The following PADI2 variants were observed in gnomAD, a reference collection of about 807,000 sequenced individuals.
PADI2 encodes the protein protein-arginine deiminase type-2.
Under a neutral mutation model 81.1 loss-of-function variants are expected in PADI2, and 70 were observed. The observed-to-expected ratio is 0.86, with a 90% CI of 0.71 to 1.05. The LOEUF (loss-of-function observed/expected upper bound fraction) is 1.05, where lower values mean the gene tolerates loss of function less well. Among genes scored for constraint, PADI2 ranks in the 50% least tolerant of loss-of-function variants. The probability of loss-of-function intolerance (pLI) is 0.00; values close to 1 mark genes in which losing one functional copy is unlikely to be tolerated. For synonymous variants in PADI2, 338 were observed against 358.0 expected, an observed-to-expected ratio of 0.94 and a Z score of 0.63; for missense variants, 853 against 889.9, an observed-to-expected ratio of 0.96 and a Z score of 0.53.
rs1192220078 is a variant in PADI2 at position 17,068,738 on chromosome 1, C to A, written c.*306G>T. ...AGTGTCAGATTAGAGACTCAAAATT[C>A]TTTGGGGAGCAGTTTGGGCACATGG... On this transcript the variant is annotated 3_prime_UTR_variant, in exon 16 of 16. Transcript: ENST00000375486. 2 of 350,384 alleles carry A rather than the reference C, an allele frequency of 5.7e-6. No individual in the cohort carries two copies. The highest frequency in any genetic ancestry group is 1.1e-5 in the Non-Finnish European group (2 of 188,042). The allele number at this position is 350,384 out of a possible 1,614,324, so 21.7% of individuals were successfully genotyped here.
intron 3 of PADI2, among the ~76,000 whole-genome samples, chr1:17,099,066 C>A (rs753470960): frequency 6.6e-6 from 1 of 152,200 alleles, no homozygotes; most frequent in African/African-American, 2.4e-5. Flanking sequence ...GGCAGATTGA[C>A]GGGAAATGTC....
Position 17,066,804 on chromosome 1 carries a change from C to T in PADI2, c.*2240G>A, listed in dbSNP as rs1270578640. 1.3e-5 allele frequency: 2 copies of T among 152,110 alleles called. No individual in the cohort carries two copies. Among genetic ancestry groups the T allele is most frequent in the African/African-American group, 4.8e-5 (2 of 41,398 alleles). 9.4% of individuals were successfully genotyped at this position (152,110 alleles called of 1,614,324 possible). The stretch of plus-strand genomic sequence containing the variant: ...TTTATTTCATTGTTCTTTAGTCGAG[C>T]TCTTCCCTAAACATCTTTAGATCTC... On this transcript the variant is annotated 3_prime_UTR_variant, in exon 16 of 16. Coordinates refer to ENST00000375486, the MANE Select transcript of PADI2 (RefSeq NM_007365.3).
At position 17,074,234 on chromosome 1, in the gene PADI2, A is replaced by G. The variant is rs540916024; in HGVS notation, c.1549+622T>C. On this transcript the variant is annotated intron_variant, in intron 13 of 15. Coordinates refer to ENST00000375486, the MANE Select transcript of PADI2 (RefSeq NM_007365.3). ...TGGTGAAGCCCAGTTTCTACTAAAT[A>G]AAAAAAAATTAGCTGGGCATAGTGG... Among the ~76,000 whole-genome samples, 14 of 151,392 alleles carry G rather than the reference A, an allele frequency of 9.2e-5. No individual in the cohort carries two copies. In the South Asian group the frequency reaches 1.5e-3, roughly 16 times the overall value.
At chr1:17,100,915 C>T (rs1423471611) in intron 3 of PADI2, among the ~76,000 whole-genome samples, 1 of 152,130 alleles carries the variant, frequency 6.6e-6, no homozygotes, top group Non-Finnish European at 1.5e-5. Context: ...CCACCTTGGC[C>T]TCCCAAAGTG....
At chr1:17,101,486 C>A (rs1029255350) in intron 3 of PADI2, among the ~76,000 whole-genome samples, 1 of 152,110 alleles carries the variant, frequency 6.6e-6, no homozygotes, top group South Asian at 2.1e-4. Flanking sequence ...GGTTCACACA[C>A]GTGCCAGGGC....
chr1:17,076,267 T>C (rs1238854740), intron 11 of PADI2, among the ~76,000 whole-genome samples: 1 of 151,762 alleles, frequency 6.6e-6, no homozygotes, highest in Non-Finnish European at 1.5e-5. Context: ...CAGGCTGGAG[T>C]AGAGTGGCAT....
At chr1:17,118,869 G>A (rs1460773754) in intron 1 of PADI2, among the ~76,000 whole-genome samples, 1 of 152,202 alleles carries the variant, frequency 6.6e-6, no homozygotes, top group East Asian at 1.9e-4. Context: ...TGAACTGGGA[G>A]TGGGAAGCAG....
intron 13 of PADI2, among the ~76,000 whole-genome samples, chr1:17,074,171 C>A (rs1259362990): frequency 2.0e-5 from 3 of 152,000 alleles, no homozygotes; most frequent in African/African-American, 4.8e-5. Flanking sequence ...GCGGGTGGAT[C>A]ACCTGAGGAC....
chr1:17,097,762 G>T (rs1470298286), intron 3 of PADI2, among the ~76,000 whole-genome samples: 6 of 93,186 alleles, frequency 6.4e-5, no homozygotes, highest in Non-Finnish European at 1.4e-4. Context: ...TACCACCAGG[G>T]GCTAAGAGCC....
chr1:17,075,320 A>G (rs3818037), intron 12 of PADI2: 193,229 of 316,906 alleles, frequency 0.61, 60,168 homozygotes, highest in Middle Eastern at 0.72. Context: ...GAGCATTACC[A>G]CCAACACAAT....
At chr1:17,086,426 G>T in intron 7 of PADI2, 95 bp downstream of exon 7, 1 of 1,059,924 alleles carries the variant, frequency 9.4e-7, no homozygotes, top group Non-Finnish European at 1.3e-6. Context: ...GGCGCTTTGA[G>T]CAGGGTGGAG....
intron 5 of PADI2, among the ~76,000 whole-genome samples, 165 bp from the exon 6 acceptor site, chr1:17,092,698 C>T (rs1451054845): frequency 6.6e-6 from 1 of 151,634 alleles, no homozygotes; most frequent in Admixed American, 6.6e-5. Flanking sequence ...CCTGTAATCC[C>T]AGTGCTTTGG....
At chr1:17,101,355 C>T (rs1931134869) in intron 3 of PADI2, among the ~76,000 whole-genome samples, 1 of 152,158 alleles carries the variant, frequency 6.6e-6, no homozygotes, top group Non-Finnish European at 1.5e-5. Context: ...GGATCATCCT[C>T]ATTTGACAGG....
In PADI2 at chr1:17,096,266, G is replaced by A. The variant is rs191554176; in HGVS notation, c.350-296C>T. 4.1e-3 allele frequency among the ~76,000 whole-genome samples: 626 copies of A among 152,298 alleles called. 5 individuals are homozygous for A. The highest frequency in any genetic ancestry group is 0.014 in the African/African-American group (602 of 41,564). On this transcript the variant is annotated intron_variant, in intron 3 of 15. Transcript: ENST00000375486. The stretch of plus-strand genomic sequence containing the variant: ...GGCTGGGGGTTGGGGAATGATCCTC[G>A]CTGCACAGATCTGGATGCCTCAGTT...
intron 6 of PADI2, among the ~76,000 whole-genome samples, chr1:17,088,925 A>AAAAAAAAAC (rs1557764604): frequency 2.4e-5 from 2 of 83,392 alleles, no homozygotes; most frequent in African/African-American, 5.3e-5. Context: ...AAAAAAAAAA[A>AAAAAAAAAC]AAAAAACCAA....
intron 10 of PADI2, 147 bp from the exon 11 acceptor site, chr1:17,079,562 A>G: frequency 3.3e-6 from 2 of 597,304 alleles, no homozygotes; most frequent in Non-Finnish European, 5.8e-6. Context: ...ATGATTAACA[A>G]AGAGCAGGGG....
chr1:17,094,083 C>T (rs1055265498), intron 4 of PADI2, among the ~76,000 whole-genome samples: 2 of 152,146 alleles, frequency 1.3e-5, no homozygotes, highest in Non-Finnish European at 2.9e-5. Flanking sequence ...CAGACACGCT[C>T]CTAGTGCTCC....
chr1:17,071,585 C>A, intron 13 of PADI2, 94 bp from the exon 14 acceptor site: 1 of 959,176 alleles, frequency 1.0e-6, no homozygotes, highest in South Asian at 1.4e-5. Context: ...GGGCTAACTG[C>A]TGGACTGGGA....
chr1:17,108,253 C>T (rs916613435), intron 1 of PADI2, among the ~76,000 whole-genome samples: 2 of 152,096 alleles, frequency 1.3e-5, no homozygotes, highest in Non-Finnish European at 2.9e-5. Flanking sequence ...CTGGCCACAT[C>T]CATCATTAAG....
Sources: gnomAD v4.1 joint callset for allele counts (sites outside exome capture counted in the v4.1 genomes callset) on GRCh38, gnomAD v4.1.1 for gene constraint, MANE v1.5 for transcripts, NCBI Gene and HGNC (gene_info 2026-07-23, HGNC 2026-07-21) for gene names.